Variants in PDE9A observed in about 807,000 individuals in gnomAD.
PDE9A encodes high affinity cGMP-specific 3',5'-cyclic phosphodiesterase 9A.
PDE9A carries 60 observed loss-of-function variants against 87.4 expected under a neutral mutation model. That is an observed-to-expected ratio of 0.69 (90% CI 0.56 to 0.85). The LOEUF is 0.85. PDE9A is among the 40% of genes least tolerant of loss of function. PDE9A has a pLI of 0.00. For synonymous variants in PDE9A, 272 were observed against 279.4 expected (o/e 0.97, Z 0.27); for missense variants, 665 against 779.0 (o/e 0.85, Z 1.74).
intron 16 of PDE9A, chr21:42,768,754 G>C: frequency 1.0e-6 from 1 of 985,418 alleles, no homozygotes; most frequent in Non-Finnish European, 1.2e-6. Context: ...AAGTCGGGAG[G>C]CTTTCTGCAG....
intron 10 of PDE9A, among the ~76,000 whole-genome samples, chr21:42,754,787 G>A (rs1035187309): frequency 4.6e-5 from 7 of 152,122 alleles, no homozygotes; most frequent in African/African-American, 1.2e-4. Flanking sequence ...TTTGCCTGCC[G>A]CCATTTAAGT....
In PDE9A at chr21:42,772,439, T is replaced by C; in HGVS notation, c.1687T>C (p.Leu563=). 6.2e-7 allele frequency: 1 copy of C among 1,603,526 alleles called. No individual in the cohort carries two copies. Among genetic ancestry groups the C allele is most frequent in the Non-Finnish European group, 8.5e-7 (1 of 1,173,296 alleles). The part of the protein sequence containing the change: ...LKRIDDAMKE[L]QKKTDSLTSG... ...TGGCCTTCTCTGTACTCTGTTCCAG[T>C]TACAGAAGAAGACTGACAGCTTGAC... The change falls in exon 19 of 20, where the codon TTA becomes CTA. Residue 563 remains leucine (L), a splice_region_variant and synonymous_variant. Coordinates refer to ENST00000291539, the MANE Select transcript of PDE9A (RefSeq NM_002606.3).
chr21:42,654,302 G>A (rs1361989792), intron 1 of PDE9A, among the ~76,000 whole-genome samples: 1 of 151,998 alleles, frequency 6.6e-6, no homozygotes, highest in East Asian at 1.9e-4. Context: ...CGGGGACACT[G>A]CTCCCCCGCA....
At chr21:42,715,110 C>A (rs2049754176) in intron 4 of PDE9A, among the ~76,000 whole-genome samples, 1 of 151,418 alleles carries the variant, frequency 6.6e-6, no homozygotes, top group Non-Finnish European at 1.5e-5. Flanking sequence ...CCATTTTATT[C>A]CTTCTGCTGA....
Position 42,701,859 on chromosome 21 carries a change from A to C in PDE9A, c.262+2848A>C, listed in dbSNP as rs374241917. On this transcript the variant is annotated intron_variant, in intron 4 of 19. Transcript: ENST00000291539. ...TACAGCTTCTAATGAGAAGTCTGTGATGTCTTATCTTTGTTCCTCTGTGTG... is the reference window on the plus strand; with the variant it reads ...TACAGCTTCTAATGAGAAGTCTGTGCTGTCTTATCTTTGTTCCTCTGTGTG... Among the ~76,000 whole-genome samples, 19 of 152,212 alleles carry C rather than the reference A, an allele frequency of 1.2e-4. No homozygotes were observed. In the South Asian group the frequency reaches 1.9e-3, roughly 15 times the overall value.
intron 4 of PDE9A, among the ~76,000 whole-genome samples, chr21:42,726,624 A>ATATATATATATATATTTTTTTTTTTT: frequency 4.0e-4 from 8 of 19,776 alleles, no homozygotes; most frequent in African/African-American, 1.0e-3. Flanking sequence ...ATATATATAT[A>ATATATATATATATATTTTTTTTTTTT]TTTTTTTTTT....
In PDE9A at chr21:42,751,153, C is replaced by T; in HGVS notation, c.691C>T (p.His231Tyr). The T allele has an allele frequency of 6.2e-7, 1 of 1,613,174 alleles. No individual in the cohort carries two copies. Among genetic ancestry groups the T allele is most frequent in the Non-Finnish European group, 8.5e-7 (1 of 1,179,168 alleles). The part of the protein sequence containing the change: ...CPCKYSFLDN[H>Y]KKLTPRRDVP... ...CTGTAAGTACAGTTTTTTGGATAAC[C>T]ACAAGAAGTTGACTCCTCGACGCGA... The change falls in exon 9 of 20, where the codon CAC (histidine) becomes TAC (tyrosine). Residue 231 changes from histidine (H) to tyrosine (Y), a missense_variant. Coordinates refer to ENST00000291539, the MANE Select transcript of PDE9A (RefSeq NM_002606.3).
intron 1 of PDE9A, among the ~76,000 whole-genome samples, chr21:42,662,927 A>G (rs1361592915): frequency 7.0e-6 from 1 of 142,800 alleles, no homozygotes. Flanking sequence ...TGCACATCAC[A>G]CACATGCACA....
At chr21:42,769,594 A>G (rs2056796353) in intron 17 of PDE9A, among the ~76,000 whole-genome samples, 1 of 106,840 alleles carries the variant, frequency 9.4e-6, no homozygotes, top group African/African-American at 4.2e-5. Flanking sequence ...AGGTACACAC[A>G]GGCACACAAA....
intron 7 of PDE9A, among the ~76,000 whole-genome samples, chr21:42,738,311 G>A (rs1198543941): frequency 6.6e-6 from 1 of 152,192 alleles, no homozygotes; most frequent in African/African-American, 2.4e-5. Context: ...TGTGCTCTAC[G>A]CGGGCTCTTT....
chr21:42,698,770 C>T (rs2060278358), intron 3 of PDE9A, 198 bp from the exon 4 acceptor site: 2 of 447,378 alleles, frequency 4.5e-6, no homozygotes, highest in Admixed American at 8.1e-5. Flanking sequence ...GGAAGGTGAT[C>T]ATTTAAATGA....
chr21:42,768,124 G>C, intron 15 of PDE9A, 64 bp from the exon 16 acceptor site: 2 of 953,380 alleles, frequency 2.1e-6, no homozygotes, highest in Non-Finnish European at 3.4e-6. Context: ...GTCCAGACCC[G>C]AGCAGCAGCA....
rs866669279 is a variant in PDE9A, at chr21:42,692,216, G to A, written c.218+4222G>A. 1.4e-4 allele frequency among the ~76,000 whole-genome samples: 21 copies of A among 152,222 alleles called. No homozygotes were observed. Among genetic ancestry groups the A allele is most frequent in the African/African-American group, 4.1e-4 (17 of 41,438 alleles). ...GGGACGGAGTGAACCAGTCCAGCTC[G>A]TGCGTGCCTCCCCCTCTGCACTGCC... is the stretch of plus-strand genomic sequence containing the variant. On this transcript the variant is annotated intron_variant, in intron 3 of 19. Coordinates refer to ENST00000291539, the MANE Select transcript of PDE9A (RefSeq NM_002606.3). The surrounding 1 kb of genome is among the most constrained non-coding windows in gnomAD (Gnocchi z 4.3).
chr21:42,767,381 T>C (rs912042169), intron 15 of PDE9A, among the ~76,000 whole-genome samples: 1 of 152,010 alleles, frequency 6.6e-6, no homozygotes, highest in African/African-American at 2.4e-5. Flanking sequence ...GCCTCTGATC[T>C]GGAGCCGGAC....
chr21:42,753,951 C>T lies in PDE9A; in HGVS notation c.736-39C>T, dbSNP rs556867725. The T allele has an allele frequency of 1.1e-4, 132 of 1,168,224 alleles. 1 individual carries two copies. In the South Asian group the frequency reaches 1.4e-3, roughly 12 times the overall value. 72.4% of individuals were successfully genotyped at this position (1,168,224 alleles called of 1,614,324 possible). A position where few individuals can be genotyped will look rare whatever the true frequency, so the allele number is the denominator to read the frequency against. On this transcript the variant is annotated intron_variant, in intron 9 of 19. Transcript: ENST00000291539. ...AGCATGCACATCACTGTCACAGGCC[C>T]ACGGCGCCTGGTTAACACGGAACTC...
At chr21:42,714,016 A>ATTTTTTTTT (rs11403559) in intron 4 of PDE9A, among the ~76,000 whole-genome samples, 4 of 90,430 alleles carry the variant, frequency 4.4e-5, no homozygotes, top group Admixed American at 1.4e-4. Flanking sequence ...TTTCATTCCA[A>ATTTTTTTTT]TTTTTTTTTT....
At position 42,675,999 on chromosome 21, in the gene PDE9A, A is replaced by C. The variant is rs2058825625; in HGVS notation, c.70-10193A>C. 6.6e-6 allele frequency among the ~76,000 whole-genome samples: 1 copy of C among 152,128 alleles called. No individual in the cohort carries two copies. Among genetic ancestry groups the C allele is most frequent in the Non-Finnish European group, 1.5e-5 (1 of 68,026 alleles). On this transcript the variant is annotated intron_variant, in intron 1 of 19. Coordinates refer to ENST00000291539, the MANE Select transcript of PDE9A (RefSeq NM_002606.3). The surrounding 1 kb of genome is among the most constrained non-coding windows in gnomAD (Gnocchi z 4.3). ...TATCCTTGAGATAGTGAATTCTTGCAAGATCTGGTTGTTTATGTGTGAAGG... is the reference window on the plus strand; with the variant it reads ...TATCCTTGAGATAGTGAATTCTTGCCAGATCTGGTTGTTTATGTGTGAAGG...
rs536893130 is a variant in PDE9A at position 42,763,128 on chromosome 21, G to A, written c.1242+889G>A. Among the ~76,000 whole-genome samples, 4 of 152,228 alleles carry A rather than the reference G, an allele frequency of 2.6e-5. No homozygotes were observed. In the East Asian group the frequency reaches 5.8e-4, roughly 22 times the overall value. ...AACACCTCCAGCTCACCGAAATAAC[G>A]CCCCATTCCACACGGGAATTCCTCA... On this transcript the variant is annotated intron_variant, in intron 14 of 19. Coordinates refer to ENST00000291539, the MANE Select transcript of PDE9A (RefSeq NM_002606.3).
rs1193541821 is a variant in PDE9A, at chr21:42,704,243, G to A, written c.262+5232G>A. Among the ~76,000 whole-genome samples, 1 of 152,176 alleles carries A rather than the reference G, an allele frequency of 6.6e-6. No homozygotes were observed. Among genetic ancestry groups the A allele is most frequent in the African/African-American group, 2.4e-5 (1 of 41,440 alleles). ...ATTCCGCAGTGAGGAGTCGCTGGCT[G>A]TCCAGGGGAGCTGCATTTTCCTAGC... On this transcript the variant is annotated intron_variant, in intron 4 of 19. Transcript: ENST00000291539. The surrounding 1 kb of genome is among the most constrained non-coding windows in gnomAD (Gnocchi z 5.3).
Sources: gnomAD v4.1 joint callset for allele counts (sites outside exome capture counted in the v4.1 genomes callset) on GRCh38, gnomAD v4.1.1 for gene constraint, Gnocchi (gnomAD v3.1) non-coding constraint, MANE v1.5 for transcripts, NCBI Gene and HGNC (gene_info 2026-07-23, HGNC 2026-07-21) for gene names.